Variants in CRAMP1 observed in about 807,000 individuals in gnomAD.
CRAMP1 encodes the protein protein cramped-like.
CRAMP1 carries 50 observed loss-of-function variants against 115.4 expected under a neutral mutation model. The observed-to-expected ratio is 0.43, with a 90% CI of 0.35 to 0.55. The LOEUF (loss-of-function observed/expected upper bound fraction) is 0.55, where lower values mean the gene tolerates loss of function less well. Ranked by LOEUF, CRAMP1 falls within the 20% of genes least tolerant of loss-of-function variation. The probability of loss-of-function intolerance (pLI) is 0.01; values close to 1 mark genes in which losing one functional copy is unlikely to be tolerated. For synonymous variants in CRAMP1, 866 were observed against 745.4 expected, an observed-to-expected ratio of 1.16 and a Z score of -2.64; for missense variants, 1,679 against 1,721.7, an observed-to-expected ratio of 0.98 and a Z score of 0.44.
chr16:1,647,304 G>C (rs138448115), intron 6 of CRAMP1, among the ~76,000 whole-genome samples: 1 of 152,188 alleles, frequency 6.6e-6, no homozygotes, highest in African/African-American at 2.4e-5. Context: ...AGTTTATCAC[G>C]TGCTTATTAG....
Position 1,626,092 on chromosome 16 carries a change from G to C in CRAMP1, c.466G>C (p.Gly156Arg). 2 of 1,551,126 alleles carry C rather than the reference G, an allele frequency of 1.3e-6. No homozygotes were observed. The highest frequency in any genetic ancestry group is 1.7e-6 in the Non-Finnish European group (2 of 1,146,732). ...GTCTTCTGGTGGCGAGAAGGAAGAAGGCAAAAAGGTCCGGCGGCAGTGGGA... is the reference window on the plus strand; with the variant it reads ...GTCTTCTGGTGGCGAGAAGGAAGAACGCAAAAAGGTCCGGCGGCAGTGGGA... ...LGSSGGEKEE[G>R]KKVRRQWESW... The change falls in exon 3 of 21, where the codon GGC becomes CGC. Residue 156 changes from glycine (G) to arginine (R), a missense_variant. Around this residue, in one of 8 missense-constraint regions of CRAMP1, gnomAD observed 264 missense variants for 229.7 expected, o/e 1.15. Coordinates refer to ENST00000397412, the MANE Select transcript of CRAMP1 (RefSeq NM_020825.4).
At chr16:1,650,223 T>C (rs538484159) in intron 6 of CRAMP1, among the ~76,000 whole-genome samples, 1 of 152,262 alleles carries the variant, frequency 6.6e-6, no homozygotes, top group African/African-American at 2.4e-5. Context: ...GATTGCAGCT[T>C]TGTTTACTGG....
rs1024233489 is a variant in CRAMP1, at chr16:1,672,370, A to C, written c.3646-1511A>C. ...TTTTCCCGAGAGCCCTCCACTCAGAACGTGAGTATGTTTCTCAGCAGGTCC... is the reference window on the plus strand; with the variant it reads ...TTTTCCCGAGAGCCCTCCACTCAGACCGTGAGTATGTTTCTCAGCAGGTCC... On this transcript the variant is annotated intron_variant, in intron 20 of 20. Coordinates refer to ENST00000397412, the MANE Select transcript of CRAMP1 (RefSeq NM_020825.4). This position sits in a 1 kb window ranked among gnomAD's most constrained non-coding sequence, Gnocchi z 4.9. 2.0e-5 allele frequency among the ~76,000 whole-genome samples: 3 copies of C among 152,062 alleles called. No homozygotes were observed. Among genetic ancestry groups the C allele is most frequent in the African/African-American group, 7.2e-5 (3 of 41,390 alleles).
At chr16:1,618,282 CTAAATAAA>C (rs1241521962) in intron 2 of CRAMP1, among the ~76,000 whole-genome samples, 1 of 152,056 alleles carries the variant, frequency 6.6e-6, no homozygotes, top group Non-Finnish European at 1.5e-5. Context: ...GACTTAGTCT[CTAAATAAA>C]TAAATAAATA....
In CRAMP1 at chr16:1,675,553, AAAG is replaced by A. The variant is rs1389375596; in HGVS notation, c.*1510_*1512del. ...TCCCCATCCACAATGGAGAAGGTGA[AAAG>A]AGGAGGGAAAGGCCTTTGGTGTGGA... On this transcript the variant is annotated 3_prime_UTR_variant, in exon 21 of 21. Coordinates refer to ENST00000397412, the MANE Select transcript of CRAMP1 (RefSeq NM_020825.4). The A allele has an allele frequency of 6.6e-6, 1 of 152,570 alleles. No homozygotes were observed. Among genetic ancestry groups the A allele is most frequent in the East Asian group, 1.9e-4 (1 of 5,196 alleles). The allele number at this position is 152,570 out of a possible 1,614,324, so 9.5% of individuals were successfully genotyped here.
chr16:1,651,782 A>G (rs35766494), intron 6 of CRAMP1, among the ~76,000 whole-genome samples: 52,540 of 149,950 alleles, frequency 0.35, 12,906 homozygotes, highest in African/African-American at 0.69. Flanking sequence ...CACAGGTCAC[A>G]GAGAGGTGGA....
At position 1,656,072 on chromosome 16, in the gene CRAMP1, G is replaced by T. The variant is rs759692870; in HGVS notation, c.1315G>T (p.Ala439Ser). The change falls in exon 10 of 21, where the codon GCC (alanine) becomes TCC (serine). Residue 439 changes from alanine (A) to serine (S), a missense_variant. Ala to Ser is a moderately conservative substitution (Grantham distance 99). Transcript: ENST00000397412. This position sits in a 1 kb window ranked among gnomAD's most constrained non-coding sequence, Gnocchi z 5.6. Reference sequence around the variant, plus strand: ...CCGGTGCAAGCAGAGTGCCAAGGACGCCCACGTGCTGCCCCCAGCCCAGAT... The same window carrying T: ...CCGGTGCAAGCAGAGTGCCAAGGACTCCCACGTGCTGCCCCCAGCCCAGAT... ...GGRCKQSAKDAHVLPPAQILG... is the reference protein window; with the variant it reads ...GGRCKQSAKDSHVLPPAQILG... 1 of 1,610,368 alleles carries T rather than the reference G, an allele frequency of 6.2e-7. No homozygotes were observed. Among genetic ancestry groups the T allele is most frequent in the Non-Finnish European group, 8.5e-7 (1 of 1,178,964 alleles).
Position 1,666,083 on chromosome 16 carries a change from G to C in CRAMP1, c.2763G>C (p.Ser921=). The C allele has an allele frequency of 6.2e-7, 1 of 1,609,082 alleles. No homozygotes were observed. Among genetic ancestry groups the C allele is most frequent in the Non-Finnish European group, 8.5e-7 (1 of 1,177,880 alleles). ...CCCTCGCCCTCGCAGGGAGAGGTTC[G>C]TTCCGGCCCATCCAGTCTTCTCTGA... is the stretch of plus-strand genomic sequence containing the variant. The part of the protein sequence containing the change: ...LSNSSVTGRG[S]FRPIQSSLTK... Residue 921 remains serine, a synonymous_variant, in exon 15 of 21, where the codon TCG becomes TCC. Transcript: ENST00000397412. The surrounding 1 kb of genome is among the most constrained non-coding windows in gnomAD (Gnocchi z 5.0).
chr16:1,616,689 T>C (rs983613300), intron 2 of CRAMP1, among the ~76,000 whole-genome samples: 2 of 152,242 alleles, frequency 1.3e-5, no homozygotes, highest in South Asian at 2.1e-4. Flanking sequence ...TCTTTGCTTC[T>C]TGTCCCATTG....
At chr16:1,612,838 C>G (rs1290787811) in intron 1 of CRAMP1, among the ~76,000 whole-genome samples, 181 bp downstream of exon 1, 1 of 152,050 alleles carries the variant, frequency 6.6e-6, no homozygotes, top group South Asian at 2.1e-4. Context: ...CGGAGCGGGA[C>G]GGGGCTGGAG....
intron 2 of CRAMP1, among the ~76,000 whole-genome samples, chr16:1,618,718 A>G (rs2036441538): frequency 6.6e-6 from 1 of 152,188 alleles, no homozygotes; most frequent in Non-Finnish European, 1.5e-5. Context: ...TAGATGTTTC[A>G]AAAAGATGTC....
chr16:1,667,185 C>G (rs1428475180), intron 16 of CRAMP1, 150 bp from the exon 17 acceptor site: 1 of 638,416 alleles, frequency 1.6e-6, no homozygotes, highest in Non-Finnish European at 2.8e-6. Context: ...TCAGTGTTCT[C>G]GACCTTAGAC....
intron 4 of CRAMP1, among the ~76,000 whole-genome samples, chr16:1,636,294 C>A (rs1268077476): frequency 6.6e-6 from 1 of 151,916 alleles, no homozygotes; most frequent in Non-Finnish European, 1.5e-5. Context: ...TCCCTTGAAC[C>A]TGGGAGGCGG....
rs976883266 is a variant in CRAMP1, at chr16:1,640,308, C to G, written c.779-831C>G. Among the ~76,000 whole-genome samples, 4 of 152,182 alleles carry G rather than the reference C, an allele frequency of 2.6e-5. 1 individual carries two copies. Among genetic ancestry groups the G allele is most frequent in the African/African-American group, 7.2e-5 (3 of 41,420 alleles). ...ATCTGACGGGTTCATTCTTTCATCA[C>G]ATTGACACCGTTGTCTGCTGCCTCT... is the stretch of plus-strand genomic sequence containing the variant. On this transcript the variant is annotated intron_variant, in intron 5 of 20. Coordinates refer to ENST00000397412, the MANE Select transcript of CRAMP1 (RefSeq NM_020825.4).
intron 2 of CRAMP1, among the ~76,000 whole-genome samples, chr16:1,622,883 T>C (rs1304385503): frequency 2.6e-5 from 4 of 151,882 alleles, no homozygotes; most frequent in Admixed American, 6.6e-5. Context: ...TGTCTCAGTA[T>C]CTGGAGTAGC....
chr16:1,622,780 G>A (rs1472995118), intron 2 of CRAMP1, among the ~76,000 whole-genome samples: 1 of 100,282 alleles, frequency 1.0e-5, no homozygotes, highest in Non-Finnish European at 2.0e-5. Context: ...TTTCTTTTTT[G>A]AGACAGTCTC....
intron 2 of CRAMP1, among the ~76,000 whole-genome samples, chr16:1,616,969 C>T (rs1431693480): frequency 6.6e-6 from 1 of 151,572 alleles, no homozygotes; most frequent in Non-Finnish European, 1.5e-5. Flanking sequence ...CGCCTGCCAC[C>T]ACACCCAGCT....
At chr16:1,660,868 C>A (rs1019455500) in intron 11 of CRAMP1, among the ~76,000 whole-genome samples, 7 of 152,064 alleles carry the variant, frequency 4.6e-5, no homozygotes, top group Admixed American at 3.3e-4. Flanking sequence ...ACTAGTCTGA[C>A]GTGGTGGTGC....
rs1233878814 is a variant in CRAMP1, at chr16:1,655,986, C to T, written c.1229C>T (p.Pro410Leu). ...PGENCTLTPLPGVARVVHSKA... is the reference protein window; with the variant it reads ...PGENCTLTPLLGVARVVHSKA... The stretch of plus-strand genomic sequence containing the variant: ...GAGAACTGTACACTGACACCGCTGC[C>T]GGGCGTGGCTCGCGTGGTGCACTCC... The change falls in exon 10 of 21, where the codon CCG becomes CTG. Residue 410 changes from proline (P) to leucine (L), a missense_variant. Transcript: ENST00000397412. 4.3e-6 allele frequency: 7 copies of T among 1,612,916 alleles called. No homozygotes were observed. Among genetic ancestry groups the T allele is most frequent in the South Asian group, 2.2e-5 (2 of 91,090 alleles).
Sources: gnomAD v4.1 joint callset for allele counts (sites outside exome capture counted in the v4.1 genomes callset) on GRCh38, gnomAD v4.1.1 for gene constraint, gnomAD v4.1.1 regional missense constraint, Gnocchi (gnomAD v3.1) non-coding constraint, MANE v1.5 for transcripts, NCBI Gene and HGNC (gene_info 2026-07-23, HGNC 2026-07-21) for gene names.